Variants in ADGRL2 observed in about 807,000 individuals in gnomAD.
The protein encoded by ADGRL2 is adhesion G protein-coupled receptor L2.
Under a neutral mutation model 157.4 loss-of-function variants are expected in ADGRL2, and 44 were observed. That is an observed-to-expected ratio of 0.28 (90% confidence interval 0.22 to 0.36). The LOEUF (loss-of-function observed/expected upper bound fraction) is 0.36, where lower values mean the gene tolerates loss of function less well. Ranked by LOEUF, ADGRL2 falls within the 10% of genes least tolerant of loss-of-function variation. The probability of loss-of-function intolerance (pLI) is 1.00; values close to 1 mark genes in which losing one functional copy is unlikely to be tolerated. For synonymous variants in ADGRL2, 585 were observed against 624.7 expected (o/e 0.94, Z 0.95); for missense variants, 1,510 against 1,768.9 (o/e 0.85, Z 2.63).
At chr1:81,949,134 A>G (rs1344704610) in intron 6 of ADGRL2, among the ~76,000 whole-genome samples, 1 of 152,206 alleles carries the variant, frequency 6.6e-6, no homozygotes, top group East Asian at 1.9e-4. Context: ...TTGCTCTACT[A>G]CAACAATTTA....
intron 2 of ADGRL2, among the ~76,000 whole-genome samples, chr1:81,771,144 T>C (rs2086352080): frequency 6.6e-6 from 1 of 152,174 alleles, no homozygotes; most frequent in Non-Finnish European, 1.5e-5. Flanking sequence ...TAAAAGAAAG[T>C]AGTTTGAACA....
chr1:81,740,751 C>T (rs1330771696), intron 1 of ADGRL2, among the ~76,000 whole-genome samples: 1 of 152,104 alleles, frequency 6.6e-6, no homozygotes, highest in Non-Finnish European at 1.5e-5. Flanking sequence ...ATTATCTCCA[C>T]AAATGGAATA....
In ADGRL2 at chr1:81,439,282, C is replaced by CATA. The variant is rs2077464723; in HGVS notation, c.-301-5754_-301-5753insATA. Among the ~76,000 whole-genome samples, 5 of 152,098 alleles carry CATA rather than the reference C, an allele frequency of 3.3e-5. No individual in the cohort carries two copies. The South Asian group carries it at 1.0e-3, about 32-fold the overall frequency. Reference sequence around the variant, plus strand: ...TCATTTTCAAAGTCACTCATTCTACCCAAGAGGTATTACAGCATGGTTGGT... The same window carrying CATA: ...TCATTTTCAAAGTCACTCATTCTACCATACAAGAGGTATTACAGCATGGTTGGT... On this transcript the variant is annotated intron_variant, in intron 1 of 24. Transcript: ENST00000370721.
intron 2 of ADGRL2, among the ~76,000 whole-genome samples, chr1:81,564,407 C>A (rs918559082): frequency 6.6e-6 from 1 of 152,108 alleles, no homozygotes; most frequent in Non-Finnish European, 1.5e-5. Context: ...GGATCCACTC[C>A]CAAGCTTATT....
At chr1:81,595,997 C>A (rs1362948319) in intron 3 of ADGRL2, among the ~76,000 whole-genome samples, 1 of 152,128 alleles carries the variant, frequency 6.6e-6, no homozygotes, top group East Asian at 1.9e-4. Context: ...TCTCTGCGGC[C>A]TCTTTTATAA....
At chr1:81,641,811 G>A (rs541628311) in intron 3 of ADGRL2, among the ~76,000 whole-genome samples, 1 of 152,026 alleles carries the variant, frequency 6.6e-6, no homozygotes, top group South Asian at 2.1e-4. Flanking sequence ...GTAGGCAGAA[G>A]AAATGAAATA....
chr1:81,633,595 CAAAAAAAA>C (rs369967142), intron 3 of ADGRL2, among the ~76,000 whole-genome samples: 2 of 50,274 alleles, frequency 4.0e-5, no homozygotes, highest in African/African-American at 1.6e-4. Context: ...GACTCTGTCT[CAAAAAAAA>C]AAAAAAAAAA....
chr1:81,919,943 A>G (rs1557913150), intron 3 of ADGRL2, among the ~76,000 whole-genome samples: 1 of 152,196 alleles, frequency 6.6e-6, no homozygotes, highest in Non-Finnish European at 1.5e-5. Flanking sequence ...ATTACTGAAT[A>G]TGAAATGTAA....
intron 1 of ADGRL2, among the ~76,000 whole-genome samples, chr1:81,324,458 A>G (rs1261585050): frequency 1.3e-5 from 2 of 151,358 alleles, no homozygotes; most frequent in Non-Finnish European, 2.9e-5. Context: ...GAAGTGAGCC[A>G]TGATTGCGCT....
intron 1 of ADGRL2, among the ~76,000 whole-genome samples, chr1:81,308,041 G>C (rs940581222): frequency 2.0e-5 from 3 of 151,820 alleles, no homozygotes; most frequent in Admixed American, 2.0e-4. Context: ...GATCCTACTG[G>C]TATGCAAGCT....
chr1:81,477,985 C>G (rs1407001776), intron 2 of ADGRL2, among the ~76,000 whole-genome samples: 1 of 151,986 alleles, frequency 6.6e-6, no homozygotes, highest in African/African-American at 2.4e-5. Context: ...ACACTGTGTT[C>G]CAAAACTGAA....
intron 1 of ADGRL2, among the ~76,000 whole-genome samples, chr1:81,712,512 T>A (rs1415740332): frequency 2.0e-5 from 3 of 152,180 alleles, no homozygotes; most frequent in African/African-American, 7.2e-5. Flanking sequence ...GGTATCATAA[T>A]ATCCCCATAT....
chr1:81,809,409 T>C (rs978656850), intron 1 of ADGRL2, among the ~76,000 whole-genome samples: 5 of 152,130 alleles, frequency 3.3e-5, no homozygotes, highest in Middle Eastern at 6.8e-3. Flanking sequence ...TATATATTTT[T>C]AAATCTGATA....
intron 1 of ADGRL2, among the ~76,000 whole-genome samples, chr1:81,314,162 C>T (rs55643509): frequency 0.035 from 5,293 of 152,218 alleles, 105 homozygotes; most frequent in African/African-American, 0.058. Context: ...CTGTTTGGTG[C>T]GGTTCTGACA....
At position 81,992,329 on chromosome 1, in the gene ADGRL2, C is replaced by A. The variant is rs1343133609; in HGVS notation, c.*1184C>A. On this transcript the variant is annotated 3_prime_UTR_variant, in exon 24 of 24. Coordinates refer to ENST00000686636, the MANE Select transcript of ADGRL2 (RefSeq NM_001366006.2). Reference sequence around the variant, plus strand: ...GCAAAATTCTGCTTTTTTTTCATCCCTTTGTGTAAACCTGTTAATAATGAG... The same window carrying A: ...GCAAAATTCTGCTTTTTTTTCATCCATTTGTGTAAACCTGTTAATAATGAG... 1 of 152,192 alleles carries A rather than the reference C, an allele frequency of 6.6e-6. No homozygotes were observed. The highest frequency in any genetic ancestry group is 2.1e-4 in the South Asian group (1 of 4,818). 9.4% of individuals were successfully genotyped at this position (152,192 alleles called of 1,614,324 possible).
intron 3 of ADGRL2, among the ~76,000 whole-genome samples, chr1:81,682,654 G>A (rs960204668): frequency 6.6e-6 from 1 of 152,108 alleles, no homozygotes; most frequent in Non-Finnish European, 1.5e-5. Flanking sequence ...TCAGTCTCTT[G>A]GAATGGATGG....
chr1:81,780,954 C>A (rs558072519), intron 2 of ADGRL2, among the ~76,000 whole-genome samples: 6 of 152,244 alleles, frequency 3.9e-5, no homozygotes, highest in South Asian at 4.1e-4. Flanking sequence ...TCCTCTTAAC[C>A]TTTCTGATTT....
chr1:81,442,816 C>T lies in ADGRL2; in HGVS notation c.-301-2220C>T, dbSNP rs114674001. Among the ~76,000 whole-genome samples, 1,293 of 152,286 alleles carry T rather than the reference C, an allele frequency of 8.5e-3. 24 individuals are homozygous for T. The highest frequency in any genetic ancestry group is 0.041 in the East Asian group (212 of 5,174). The stretch of plus-strand genomic sequence containing the variant: ...GAAAATAGGTCCATTTCCCATCTAC[C>T]ATTTTAAGGCCAGGTTTCACAGCCT... On this transcript the variant is annotated intron_variant, in intron 1 of 24. Coordinates refer to the ADGRL2 transcript ENST00000370721.
intron 3 of ADGRL2, among the ~76,000 whole-genome samples, chr1:81,608,203 C>T (rs2081472197): frequency 6.6e-6 from 1 of 152,088 alleles, no homozygotes; most frequent in Non-Finnish European, 1.5e-5. Flanking sequence ...CAGGAAGGTT[C>T]ACTGTTCAGT....
Sources: allele counts gnomAD v4.1 joint callset (sites outside exome capture counted in the v4.1 genomes callset), GRCh38; gene constraint gnomAD v4.1.1; transcripts MANE v1.5; gene names NCBI Gene and HGNC (gene_info 2026-07-23, HGNC 2026-07-21).